Variants in DNAH9 observed in about 807,000 individuals in gnomAD.
The protein encoded by DNAH9 is dynein axonemal heavy chain 9, also known as DNAH9 variant protein.
Under a neutral mutation model 471.6 loss-of-function variants are expected in DNAH9, and 345 were observed. The observed-to-expected ratio is 0.73, with a 90% CI of 0.67 to 0.80. The LOEUF is 0.80. Among genes scored for constraint, DNAH9 ranks in the 30% least tolerant of loss-of-function variants. DNAH9 has a pLI of 0.00. For missense variants in DNAH9, 5,407 were observed against 5,609.2 expected, an observed-to-expected ratio of 0.96 and a Z score of 1.15; for synonymous variants, 2,093 against 2,123.6, an observed-to-expected ratio of 0.99 and a Z score of 0.40.
At chr17:11,821,786 C>T in intron 45 of DNAH9, 134 bp from the exon 46 acceptor site, 1 of 943,738 alleles carries the variant, frequency 1.1e-6, no homozygotes, top group South Asian at 1.7e-5. Context: ...GTCTGTCCAG[C>T]TTCACCAGCA....
chr17:11,852,579 G>C (rs1037288175), intron 49 of DNAH9, among the ~76,000 whole-genome samples: 1 of 151,894 alleles, frequency 6.6e-6, no homozygotes, highest in Non-Finnish European at 1.5e-5. Context: ...GCAGCCCCTG[G>C]TTCTTCAGAT....
At chr17:11,640,027 A>G (rs571431451) in intron 9 of DNAH9, among the ~76,000 whole-genome samples, 14 of 152,298 alleles carry the variant, frequency 9.2e-5, no homozygotes, top group African/African-American at 3.1e-4. Context: ...GGCCCCTCCC[A>G]GAGCAATGAA....
At chr17:11,927,070 T>A (rs989116753) in intron 62 of DNAH9, among the ~76,000 whole-genome samples, 4 of 152,216 alleles carry the variant, frequency 2.6e-5, no homozygotes, top group African/African-American at 9.7e-5. Flanking sequence ...TTGAGAAGTG[T>A]CAGTTCATGT....
chr17:11,719,564 G>T (rs565956549), intron 27 of DNAH9, 74 bp downstream of exon 27: 21 of 1,417,810 alleles, frequency 1.5e-5, no homozygotes, highest in Non-Finnish European at 1.8e-5. Flanking sequence ...AGGCTAAGAC[G>T]CATCCGTGCC....
intron 2 of DNAH9, 51 bp downstream of exon 2, chr17:11,608,376 G>C: frequency 1.5e-6 from 2 of 1,368,646 alleles, no homozygotes; most frequent in Non-Finnish European, 1.0e-6. Context: ...GGGAGATGCT[G>C]GTTATCAGAA....
intron 68 of DNAH9, among the ~76,000 whole-genome samples, chr17:11,963,470 G>A (rs1415118777): frequency 2.6e-5 from 4 of 151,928 alleles, no homozygotes; most frequent in Non-Finnish European, 5.9e-5. Context: ...CACATAGATG[G>A]GCACAGATAT....
intron 39 of DNAH9, among the ~76,000 whole-genome samples, chr17:11,782,714 T>C (rs1356493968): frequency 6.6e-6 from 1 of 152,130 alleles, no homozygotes; most frequent in Non-Finnish European, 1.5e-5. Context: ...CTGGCCAACA[T>C]GGTGAAACCC....
intron 61 of DNAH9, among the ~76,000 whole-genome samples, chr17:11,914,324 T>C (rs1192837544): frequency 6.6e-6 from 1 of 152,228 alleles, no homozygotes; most frequent in African/African-American, 2.4e-5. Flanking sequence ...TTGGAAAGAC[T>C]GCACTTTATT....
chr17:11,742,815 G>A (rs532725547), intron 30 of DNAH9, among the ~76,000 whole-genome samples: 3 of 152,294 alleles, frequency 2.0e-5, no homozygotes, highest in Non-Finnish European at 4.4e-5. Flanking sequence ...TTTTTGTCAA[G>A]GATAGATGAC....
chr17:11,748,336 A>C (rs1966986194), intron 32 of DNAH9, among the ~76,000 whole-genome samples: 1 of 151,970 alleles, frequency 6.6e-6, no homozygotes, highest in South Asian at 2.1e-4. Flanking sequence ...CAAATAAATA[A>C]ATAAGATAAA....
intron 22 of DNAH9, among the ~76,000 whole-genome samples, chr17:11,698,892 G>T (rs1470708017): frequency 6.6e-6 from 1 of 152,036 alleles, no homozygotes; most frequent in Non-Finnish European, 1.5e-5. Flanking sequence ...TGCTTGCCAT[G>T]AGCATGCCTG....
chr17:11,620,090 C>T (rs1048964031), intron 6 of DNAH9, among the ~76,000 whole-genome samples: 4 of 152,100 alleles, frequency 2.6e-5, no homozygotes, highest in Non-Finnish European at 5.9e-5. Context: ...TGGTGTGCAC[C>T]TGTAGTCCCA....
At position 11,598,702 on chromosome 17, in the gene DNAH9, G is replaced by C; in HGVS notation, c.204G>C (p.Pro68=). The change falls in exon 1 of 69, where the codon CCG becomes CCC. Residue 68 remains proline (P), a synonymous_variant. Transcript: ENST00000262442. ...AFLGRDAAEG[P]RPLLVVRPGP... The stretch of plus-strand genomic sequence containing the variant: ...TGGGCCGCGATGCTGCCGAGGGGCC[G>C]CGGCCGCTGCTGGTGGTGCGGCCCG... 1 of 1,372,002 alleles carries C rather than the reference G, an allele frequency of 7.3e-7. No homozygotes were observed. Among genetic ancestry groups the C allele is most frequent in the Non-Finnish European group, 9.4e-7 (1 of 1,069,402 alleles). The allele number at this position is 1,372,002 out of a possible 1,614,324, so 85.0% of individuals were successfully genotyped here.
intron 38 of DNAH9, among the ~76,000 whole-genome samples, chr17:11,778,648 A>G (rs560548164): frequency 2.8e-4 from 43 of 152,292 alleles, no homozygotes; most frequent in Middle Eastern, 6.8e-3. Flanking sequence ...AGGTGAGAGC[A>G]GATGGACAAG....
At chr17:11,883,161 ATTTTT>A (rs966681817) in intron 55 of DNAH9, 2 of 989,078 alleles carry the variant, frequency 2.0e-6, no homozygotes, top group African/African-American at 3.5e-5. Context: ...GATTCTGCTG[ATTTTT>A]TTTTAAGTAA....
intron 6 of DNAH9, 144 bp downstream of exon 6, chr17:11,619,925 T>C: frequency 1.6e-6 from 1 of 615,438 alleles, no homozygotes; most frequent in Non-Finnish European, 2.9e-6. Flanking sequence ...AAGGTTCAAT[T>C]GGCCAGTCAC....
At chr17:11,662,818 G>C (rs1427580243) in intron 14 of DNAH9, among the ~76,000 whole-genome samples, 2 of 144,018 alleles carry the variant, frequency 1.4e-5, no homozygotes, top group East Asian at 4.1e-4. Context: ...TGCAGTGGCG[G>C]GATCTCGGCT....
chr17:11,783,877 C>T (rs1968759845), intron 40 of DNAH9, 129 bp downstream of exon 40: 1 of 700,634 alleles, frequency 1.4e-6, no homozygotes. Flanking sequence ...GATAGAATGC[C>T]AAATTGCATC....
At chr17:11,923,473 A>G (rs1194097612) in intron 61 of DNAH9, among the ~76,000 whole-genome samples, 2 of 151,922 alleles carry the variant, frequency 1.3e-5, no homozygotes, top group Non-Finnish European at 2.9e-5. Context: ...CACCACGCCC[A>G]GCTAATTTTT....
Sources: gnomAD v4.1 joint callset for allele counts (sites outside exome capture counted in the v4.1 genomes callset) on GRCh38, gnomAD v4.1.1 for gene constraint, MANE v1.5 for transcripts, NCBI Gene and HGNC (gene_info 2026-07-23, HGNC 2026-07-21) for gene names.